GASK1A: variants seen among roughly 807,000 people sequenced by gnomAD.
GASK1A encodes the protein golgi associated kinase 1A.
Under a neutral mutation model 41.2 loss-of-function variants are expected in GASK1A, and 40 were observed. The observed-to-expected ratio is 0.97, with a 90% CI of 0.75 to 1.27. GASK1A has a LOEUF of 1.27. GASK1A is among the 50% of genes most tolerant of loss of function. The pLI, the probability that GASK1A is intolerant of heterozygous loss-of-function variation, is 0.00. For synonymous variants in GASK1A, 316 were observed against 307.1 expected (o/e 1.03, Z -0.30); for missense variants, 678 against 745.1 (o/e 0.91, Z 1.05).
intron 2 of GASK1A, among the ~76,000 whole-genome samples, chr3:43,043,074 A>G (rs1436442217): frequency 6.6e-6 from 1 of 152,134 alleles, no homozygotes; most frequent in Non-Finnish European, 1.5e-5. Context: ...GGAGAGAGGT[A>G]TTGGGGTATG....
chr3:43,052,196 T>C (rs1032739468), intron 2 of GASK1A, among the ~76,000 whole-genome samples: 7 of 152,162 alleles, frequency 4.6e-5, no homozygotes, highest in African/African-American at 1.4e-4. Flanking sequence ...AGATGGACTC[T>C]TTCTGTTTCA....
chr3:43,002,230 G>T (rs768760732), intron 1 of GASK1A, among the ~76,000 whole-genome samples: 16 of 152,232 alleles, frequency 1.1e-4, no homozygotes, highest in Non-Finnish European at 1.8e-4. Context: ...TTCCAACTCT[G>T]CGGTTTTATT....
chr3:43,021,981 T>C (rs895551020), intron 1 of GASK1A, among the ~76,000 whole-genome samples: 2 of 152,058 alleles, frequency 1.3e-5, no homozygotes, highest in African/African-American at 4.8e-5. Context: ...TGAAGGTAAC[T>C]CCATTTCTCT....
intron 1 of GASK1A, among the ~76,000 whole-genome samples, chr3:43,025,763 G>C (rs1310637010): frequency 6.6e-6 from 1 of 152,210 alleles, no homozygotes; most frequent in Non-Finnish European, 1.5e-5. Flanking sequence ...ATTAGTCACT[G>C]CATTCGGTAA....
chr3:43,055,220 G>T (rs1559409011), intron 3 of GASK1A, among the ~76,000 whole-genome samples: 1 of 152,186 alleles, frequency 6.6e-6, no homozygotes, highest in African/African-American at 2.4e-5. Context: ...GCTTCCTAAG[G>T]TTACTGGGAG....
intron 2 of GASK1A, chr3:43,037,279 C>T (rs1479594828): frequency 1.9e-5 from 17 of 904,844 alleles, no homozygotes; most frequent in Non-Finnish European, 3.0e-5. Flanking sequence ...AAGCCAACTC[C>T]CCAGATGAAC....
At chr3:42,980,080 A>G (rs1290209766) in intron 1 of GASK1A, among the ~76,000 whole-genome samples, 5 of 152,240 alleles carry the variant, frequency 3.3e-5, no homozygotes, top group African/African-American at 7.2e-5. Flanking sequence ...ATGTATTGAT[A>G]TTAAAAATAA....
At chr3:43,014,984 A>G (rs2089482638) in intron 1 of GASK1A, among the ~76,000 whole-genome samples, 1 of 151,678 alleles carries the variant, frequency 6.6e-6, no homozygotes, top group South Asian at 2.1e-4. Context: ...AGGTCACAGG[A>G]AGGGACTGTG....
At chr3:42,999,479 C>G (rs146126665) in intron 1 of GASK1A, among the ~76,000 whole-genome samples, 1 of 152,204 alleles carries the variant, frequency 6.6e-6, no homozygotes, top group Non-Finnish European at 1.5e-5. Flanking sequence ...AGGAGCTTGT[C>G]TACTGGGGCT....
chr3:43,046,262 G>T (rs1222028581), intron 2 of GASK1A, among the ~76,000 whole-genome samples: 1 of 152,216 alleles, frequency 6.6e-6, no homozygotes, highest in African/African-American at 2.4e-5. Flanking sequence ...GGACAATGAA[G>T]TCCAGGCTGA....
At chr3:43,015,822 A>G (rs1210784434) in intron 1 of GASK1A, among the ~76,000 whole-genome samples, 1 of 151,540 alleles carries the variant, frequency 6.6e-6, no homozygotes, top group Non-Finnish European at 1.5e-5. Flanking sequence ...GGGCAGTGTG[A>G]AGCCACAGGA....
chr3:43,045,250 A>G (rs1204225371), intron 2 of GASK1A, among the ~76,000 whole-genome samples: 1 of 152,114 alleles, frequency 6.6e-6, no homozygotes, highest in Non-Finnish European at 1.5e-5. Context: ...TATCCAAGCC[A>G]TGAGGGGTTT....
At chr3:43,043,456 T>C (rs961165464) in intron 2 of GASK1A, among the ~76,000 whole-genome samples, 13 of 152,250 alleles carry the variant, frequency 8.5e-5, no homozygotes, top group African/African-American at 2.9e-4. Context: ...TCCTTCATGC[T>C]GGCAACCAGT....
intron 1 of GASK1A, among the ~76,000 whole-genome samples, chr3:43,025,255 G>A (rs1027001422): frequency 4.6e-5 from 7 of 152,110 alleles, no homozygotes; most frequent in African/African-American, 1.4e-4. Context: ...AATGAGAAAC[G>A]GATTGGTTCA....
rs892525019 is a variant in GASK1A, at chr3:43,057,511, A to G, written c.*1125A>G. 3.3e-5 allele frequency: 5 copies of G among 152,114 alleles called. No homozygotes were observed. The highest frequency in any genetic ancestry group is 1.2e-4 in the African/African-American group (5 of 41,430). The allele number at this position is 152,114 out of a possible 1,614,324, so 9.4% of individuals were successfully genotyped here. On this transcript the variant is annotated 3_prime_UTR_variant, in exon 5 of 5. Transcript: ENST00000430121. ...TTTGGCCTATTTAGGAGGAAAACCG[A>G]TTTTAAAAGCTGCATTTCCTTAATC...
chr3:43,005,205 T>A (rs1018007613), intron 1 of GASK1A, among the ~76,000 whole-genome samples: 4 of 152,210 alleles, frequency 2.6e-5, no homozygotes, highest in Non-Finnish European at 5.9e-5. Context: ...ACCGTCCGAA[T>A]CCCTCTAACC....
intron 1 of GASK1A, among the ~76,000 whole-genome samples, chr3:43,031,891 A>G (rs1325207356): frequency 6.6e-6 from 1 of 152,162 alleles, no homozygotes. Context: ...GGCCCATGGG[A>G]TCACATGGAG....
At chr3:42,997,777 G>A (rs2089384399) in intron 1 of GASK1A, among the ~76,000 whole-genome samples, 1 of 152,214 alleles carries the variant, frequency 6.6e-6, no homozygotes, top group African/African-American at 2.4e-5. Context: ...AGGAGACCTT[G>A]AGACCAGGAT....
intron 2 of GASK1A, among the ~76,000 whole-genome samples, chr3:43,052,871 T>A (rs1029426124): frequency 1.3e-5 from 2 of 152,188 alleles, no homozygotes; most frequent in African/African-American, 4.8e-5. Context: ...CACCTTTCCT[T>A]CTGAAGAAAG....
Sources: gnomAD v4.1 joint callset for allele counts (sites outside exome capture counted in the v4.1 genomes callset) on GRCh38, gnomAD v4.1.1 for gene constraint, MANE v1.5 for transcripts, NCBI Gene and HGNC (gene_info 2026-07-23, HGNC 2026-07-21) for gene names.